The following MEOX2 variants were observed in gnomAD, a reference collection of about 807,000 sequenced individuals.
MEOX2 encodes mesenchyme homeobox 2, also known as homeobox protein MOX-2.
In MEOX2, 11 loss-of-function variants were observed where a neutral mutation model predicts 27.0. That is an observed-to-expected ratio of 0.41 (90% CI 0.26 to 0.68). The LOEUF (loss-of-function observed/expected upper bound fraction) is 0.68, where lower values mean the gene tolerates loss of function less well. MEOX2 is among the 30% of genes least tolerant of loss of function. MEOX2 has a pLI of 0.33. For missense variants in MEOX2, 436 were observed against 385.4 expected, an observed-to-expected ratio of 1.13 and a Z score of -1.10; for synonymous variants, 189 against 155.4, an observed-to-expected ratio of 1.22 and a Z score of -1.61.
rs1280602750 is a variant in MEOX2, at chr7:15,611,715, G to T, written c.*672C>A. 2 of 153,100 alleles carry T rather than the reference G, an allele frequency of 1.3e-5. No homozygotes were observed. The highest frequency in any genetic ancestry group is 2.4e-5 in the African/African-American group (1 of 41,436). 9.5% of individuals were successfully genotyped at this position (153,100 alleles called of 1,614,324 possible). ...AGGTAAGCACATACTGATTGTCTCT[G>T]GGATGACAAAATGTATAAAAAAGAC... On this transcript the variant is annotated 3_prime_UTR_variant, in exon 3 of 3. Transcript: ENST00000262041.
intron 2 of MEOX2, among the ~76,000 whole-genome samples, chr7:15,613,396 A>AG (rs1323217371): frequency 1.4e-4 from 1 of 6,964 alleles, no homozygotes; most frequent in Admixed American, 1.8e-3. Flanking sequence ...TATTAAAAAC[A>AG]AAAAAAACAG....
intron 1 of MEOX2, among the ~76,000 whole-genome samples, chr7:15,630,075 A>G (rs185780398): frequency 9.1e-4 from 138 of 152,132 alleles, no homozygotes; most frequent in East Asian, 2.3e-3. Flanking sequence ...GTATATTCCA[A>G]TGTAAAATAC....
chr7:15,685,554 C>A (rs563732722), intron 1 of MEOX2, among the ~76,000 whole-genome samples: 2 of 152,310 alleles, frequency 1.3e-5, no homozygotes, highest in African/African-American at 4.8e-5. Context: ...CCTGGGCGCA[C>A]GCCCCTCCCT....
At chr7:15,616,312 A>G (rs980740782) in intron 2 of MEOX2, among the ~76,000 whole-genome samples, 2 of 151,956 alleles carry the variant, frequency 1.3e-5, no homozygotes, top group African/African-American at 4.8e-5. Flanking sequence ...AAGGAAGAAT[A>G]TAGAACTCTA....
At chr7:15,671,126 T>A (rs1363086000) in intron 1 of MEOX2, among the ~76,000 whole-genome samples, 1 of 152,158 alleles carries the variant, frequency 6.6e-6, no homozygotes, top group African/African-American at 2.4e-5. Context: ...TTTTCCAATA[T>A]AAAAATTTTT....
At chr7:15,661,879 C>T (rs940395293) in intron 1 of MEOX2, among the ~76,000 whole-genome samples, 2 of 152,134 alleles carry the variant, frequency 1.3e-5, no homozygotes, top group African/African-American at 4.8e-5. Flanking sequence ...AACATAGATG[C>T]TACTACCTCC....
chr7:15,686,659 A>G lies in MEOX2; in HGVS notation c.-257T>C. 2.0e-6 allele frequency: 1 copy of G among 503,832 alleles called. No individual in the cohort carries two copies. Among genetic ancestry groups the G allele is most frequent in the Non-Finnish European group, 3.5e-6 (1 of 286,230 alleles). The allele number at this position is 503,832 out of a possible 1,614,324, so 31.2% of individuals were successfully genotyped here. A position where few individuals can be genotyped will look rare whatever the true frequency, so the allele number is the denominator to read the frequency against. ...GAGTGGGAGAGGTTGAAGCCAAAAG[A>G]AGGTGGTCCCAGAGAACTGCTTTCA... On this transcript the variant is annotated 5_prime_UTR_variant, in exon 1 of 3. Transcript: ENST00000262041.
At chr7:15,646,744 AC>A (rs1471884922) in intron 1 of MEOX2, among the ~76,000 whole-genome samples, 1 of 151,990 alleles carries the variant, frequency 6.6e-6, no homozygotes, top group Non-Finnish European at 1.5e-5. Context: ...TTAAAAAATC[AC>A]ACTGACATAA....
intron 2 of MEOX2, among the ~76,000 whole-genome samples, chr7:15,613,255 G>C (rs561886268): frequency 3.3e-5 from 5 of 151,958 alleles, no homozygotes; most frequent in Admixed American, 1.3e-4. Flanking sequence ...CTCAACATTT[G>C]TTAAATGCTA....
chr7:15,613,167 T>C (rs944909889), intron 2 of MEOX2, among the ~76,000 whole-genome samples: 2 of 152,232 alleles, frequency 1.3e-5, no homozygotes, highest in Non-Finnish European at 2.9e-5. Flanking sequence ...CTTTTTATTT[T>C]CTACCTTAAT....
At chr7:15,674,554 T>TTGTG (rs141430037) in intron 1 of MEOX2, among the ~76,000 whole-genome samples, 3,235 of 149,772 alleles carry the variant, frequency 0.022, 45 homozygotes, top group East Asian at 0.027. Flanking sequence ...AGATAAAAGA[T>TTGTG]TCTGTGTGTG....
chr7:15,626,073 C>T (rs950762171), intron 2 of MEOX2, among the ~76,000 whole-genome samples: 6 of 152,158 alleles, frequency 3.9e-5, no homozygotes, highest in East Asian at 3.9e-4. Flanking sequence ...GCACCTAAGC[C>T]GCACCATTTG....
chr7:15,618,551 T>C (rs1781161640), intron 2 of MEOX2, among the ~76,000 whole-genome samples: 1 of 152,010 alleles, frequency 6.6e-6, no homozygotes, highest in Non-Finnish European at 1.5e-5. Flanking sequence ...ATCAATATTT[T>C]GGCTAACAGC....
chr7:15,678,775 C>T (rs978929519), intron 1 of MEOX2: 15 of 152,170 alleles, frequency 9.9e-5, no homozygotes, highest in African/African-American at 3.6e-4. Context: ...AATTCTAGGC[C>T]TTTAAAATTC....
chr7:15,636,517 T>C (rs1781480363), intron 1 of MEOX2, among the ~76,000 whole-genome samples: 1 of 152,040 alleles, frequency 6.6e-6, no homozygotes, highest in African/African-American at 2.4e-5. Context: ...TGTAGCTGTA[T>C]TGGCAAGAAG....
intron 1 of MEOX2, among the ~76,000 whole-genome samples, chr7:15,658,980 T>A (rs994272817): frequency 2.6e-5 from 4 of 152,196 alleles, no homozygotes; most frequent in Non-Finnish European, 5.9e-5. Flanking sequence ...ATGTTCGTTT[T>A]ACATATAATG....
intron 1 of MEOX2, among the ~76,000 whole-genome samples, chr7:15,658,405 T>C (rs1052924233): frequency 6.6e-6 from 1 of 152,236 alleles, no homozygotes; most frequent in East Asian, 1.9e-4. Flanking sequence ...TAAATTGTTA[T>C]GCTTTGTGAG....
chr7:15,636,844 T>G (rs975352941), intron 1 of MEOX2, among the ~76,000 whole-genome samples: 1 of 151,984 alleles, frequency 6.6e-6, no homozygotes, highest in Non-Finnish European at 1.5e-5. Flanking sequence ...GCATCCTTAA[T>G]GGCAAAAGGC....
At chr7:15,681,755 T>C (rs1182372686) in intron 1 of MEOX2, 1 of 151,800 alleles carries the variant, frequency 6.6e-6, no homozygotes, top group Non-Finnish European at 1.5e-5. Context: ...TAAAGGTTTC[T>C]ATTGATAATT....
Sources: allele counts gnomAD v4.1 joint callset (sites outside exome capture counted in the v4.1 genomes callset), GRCh38; gene constraint gnomAD v4.1.1; transcripts MANE v1.5; gene names NCBI Gene and HGNC (gene_info 2026-07-23, HGNC 2026-07-21).